PHLDB3: variants seen among roughly 807,000 people sequenced by gnomAD.
PHLDB3 encodes pleckstrin homology like domain family B member 3.
PHLDB3 carries 86 observed loss-of-function variants against 85.7 expected under a neutral mutation model. The ratio of observed to expected loss-of-function variants is 1.00; its 90% CI spans 0.84 to 1.20. The LOEUF is 1.20. Ranked by LOEUF, PHLDB3 falls within the 50% of genes most tolerant of loss-of-function variation. PHLDB3 has a pLI of 0.00. For missense variants in PHLDB3, 995 were observed against 873.0 expected, an observed-to-expected ratio of 1.14 and a Z score of -1.76; for synonymous variants, 376 against 349.8, an observed-to-expected ratio of 1.07 and a Z score of -0.83.
At chr19:43,485,370 C>T (rs1971131189) in intron 13 of PHLDB3, among the ~76,000 whole-genome samples, 1 of 151,696 alleles carries the variant, frequency 6.6e-6, no homozygotes. Context: ...CGCCACCATG[C>T]CCGGCTAATT....
Position 43,502,214 on chromosome 19 carries a change from G to A in PHLDB3, c.283C>T (p.Arg95Ter). 1 of 1,565,646 alleles carries A rather than the reference G, an allele frequency of 6.4e-7. No homozygotes were observed. The highest frequency in any genetic ancestry group is 8.6e-7 in the Non-Finnish European group (1 of 1,156,102). ...CCTTGCAGGCGCCGCGCCGCCCCTC[G>A]CACCCCTTCCCGCGAAGAGGTGGAT... ...PASTSSREGV[R>*]GAARRLQGQQ... Residue 95 changes from arginine (R) to a stop codon, truncating the protein, a stop_gained, in exon 3 of 16, where the codon CGA (arginine) becomes TGA (stop). Transcript: ENST00000292140. LOFTEE classifies it high-confidence loss of function.
intron 13 of PHLDB3, among the ~76,000 whole-genome samples, chr19:43,481,017 T>C (rs190325495): frequency 1.8e-4 from 28 of 152,304 alleles, no homozygotes; most frequent in African/African-American, 6.3e-4. Flanking sequence ...GATTTCTTCA[T>C]GCAAGCAGAT....
At chr19:43,492,239 C>T (rs1971336948) in intron 9 of PHLDB3, among the ~76,000 whole-genome samples, 2 of 151,588 alleles carry the variant, frequency 1.3e-5, no homozygotes, top group Non-Finnish European at 2.9e-5. Flanking sequence ...GTGTGAGCCA[C>T]CGCGCCCAGC....
chr19:43,497,376 G>A (rs1423711291), intron 5 of PHLDB3, 97 bp from the exon 6 acceptor site: 1 of 1,048,658 alleles, frequency 9.5e-7, no homozygotes, highest in Non-Finnish European at 1.3e-6. Flanking sequence ...GGAAGAAGGT[G>A]ACTGAGGACT....
chr19:43,495,730 C>T, intron 6 of PHLDB3, 110 bp from the exon 7 acceptor site: 1 of 1,432,666 alleles, frequency 7.0e-7, no homozygotes, highest in Non-Finnish European at 9.2e-7. Context: ...TCCCAGAGAC[C>T]ATGGGATCGG....
chr19:43,502,755 C>T (rs754784448), intron 2 of PHLDB3, among the ~76,000 whole-genome samples: 5 of 151,976 alleles, frequency 3.3e-5, no homozygotes, highest in African/African-American at 1.2e-4. Flanking sequence ...CGCGCCCGGC[C>T]TCAGACCCCT....
chr19:43,492,335 C>T (rs1255187424), intron 9 of PHLDB3, among the ~76,000 whole-genome samples: 2 of 152,118 alleles, frequency 1.3e-5, no homozygotes, highest in Non-Finnish European at 2.9e-5. Context: ...GATCCACCCA[C>T]CTCGGCCTCT....
intron 9 of PHLDB3, among the ~76,000 whole-genome samples, chr19:43,491,507 ATTTTTT>A: frequency 6.8e-6 from 1 of 147,286 alleles, no homozygotes; most frequent in East Asian, 2.0e-4. Context: ...AAATAACAAG[ATTTTTT>A]TTTTTTAAGA....
intron 15 of PHLDB3, among the ~76,000 whole-genome samples, chr19:43,476,584 G>T (rs543942202): frequency 6.6e-6 from 1 of 152,018 alleles, no homozygotes; most frequent in Admixed American, 6.5e-5. Flanking sequence ...GATTGCTTGA[G>T]CCCGAGAGAT....
At chr19:43,477,051 C>G (rs12975499) in intron 15 of PHLDB3, among the ~76,000 whole-genome samples, 3 of 152,126 alleles carry the variant, frequency 2.0e-5, no homozygotes, top group Non-Finnish European at 2.9e-5. Context: ...GCAGTCCTCC[C>G]ATCTTGGTCT....
At position 43,495,263 on chromosome 19, in the gene PHLDB3, A is replaced by G. The variant is rs1202600654; in HGVS notation, c.1028T>C (p.Leu343Pro). Residue 343 changes from leucine (L) to proline (P), a missense_variant, in exon 8 of 16, where the codon CTC becomes CCC. Coordinates refer to ENST00000292140, the MANE Select transcript of PHLDB3 (RefSeq NM_198850.4). Reference protein sequence around the residue: ...GGDFSEPNPALTKLLFTQKTD... With the variant: ...GGDFSEPNPAPTKLLFTQKTD... ...CATACAAAATCCCCATACCTTAGTGAGGGCCGGGTTGGGCTCAGAGAAGTC... is the reference window on the plus strand; with the variant it reads ...CATACAAAATCCCCATACCTTAGTGGGGGCCGGGTTGGGCTCAGAGAAGTC... The G allele has an allele frequency of 6.2e-7, 1 of 1,613,628 alleles. No individual in the cohort carries two copies. The highest frequency in any genetic ancestry group is 8.5e-7 in the Non-Finnish European group (1 of 1,179,744).
chr19:43,487,162 T>G (rs760339170), intron 9 of PHLDB3, 39 bp from the exon 10 acceptor site: 2 of 1,528,458 alleles, frequency 1.3e-6, no homozygotes, highest in African/African-American at 2.8e-5. Flanking sequence ...GGAAAAAGGC[T>G]TGATCTCCAA....
At chr19:43,497,700 A>C in intron 5 of PHLDB3, 48 bp downstream of exon 5, 9 of 1,536,824 alleles carry the variant, frequency 5.9e-6, no homozygotes, top group Non-Finnish European at 7.9e-6. Context: ...CAACGAGGCG[A>C]GACTCTGTCT....
At chr19:43,504,215 G>C in intron 1 of PHLDB3, 83 bp from the exon 2 acceptor site, 1 of 1,258,992 alleles carries the variant, frequency 7.9e-7, no homozygotes, top group Non-Finnish European at 1.1e-6. Flanking sequence ...GGGGCGCGGA[G>C]ACCCCCCCCC....
At position 43,497,808 on chromosome 19, in the gene PHLDB3, C is replaced by G. The variant is rs1255513810; in HGVS notation, c.603G>C (p.Gln201His). The change falls in exon 5 of 16, where the codon CAG becomes CAC. Residue 201 changes from glutamine (Q) to histidine (H), a missense_variant. Physicochemically the swap from Gln to His is conservative, Grantham distance 24. Transcript: ENST00000292140. ...EGLRQRLRKA[Q>H]GQLDSQPEDQ... ...CCTCTGGCTGTGAGTCGAGCTGTCCCTGGGCCTTGCGGAGTCTCTGGCGAA... is the reference window on the plus strand; with the variant it reads ...CCTCTGGCTGTGAGTCGAGCTGTCCGTGGGCCTTGCGGAGTCTCTGGCGAA... 1 of 1,561,652 alleles carries G rather than the reference C, an allele frequency of 6.4e-7. No individual in the cohort carries two copies.
rs753375435 is a variant in PHLDB3 at position 43,495,595 on chromosome 19, C to G, written c.851G>C (p.Arg284Pro). 3 of 1,609,962 alleles carry G rather than the reference C, an allele frequency of 1.9e-6. No homozygotes were observed. The highest frequency in any genetic ancestry group is 2.5e-6 in the Non-Finnish European group (3 of 1,178,346). ...HRRGALQHRI[R>P]VLEEQLKSLG... Reference sequence around the variant, plus strand: ...TGACTTGAGCTGCTCTTCCAGGACCCGGATCCGGTGCTGCAGAGCACCCCT... The same window carrying G: ...TGACTTGAGCTGCTCTTCCAGGACCGGGATCCGGTGCTGCAGAGCACCCCT... The change falls in exon 7 of 16, where the codon CGG becomes CCG. Residue 284 changes from arginine to proline, a missense_variant. By Grantham distance (103) the Arg-to-Pro change is moderately radical (BLOSUM62 -2). Coordinates refer to ENST00000292140, the MANE Select transcript of PHLDB3 (RefSeq NM_198850.4).
At chr19:43,495,183 G>A in intron 8 of PHLDB3, 73 bp downstream of exon 8, 1 of 1,307,374 alleles carries the variant, frequency 7.6e-7, no homozygotes, top group African/African-American at 1.6e-5. Context: ...CTGCGTCTGA[G>A]GGAGGAGGGG....
intron 4 of PHLDB3, among the ~76,000 whole-genome samples, chr19:43,498,155 T>C (rs1050787198): frequency 3.9e-5 from 6 of 152,012 alleles, no homozygotes; most frequent in Admixed American, 3.3e-4. Context: ...CTGGGCAACA[T>C]AGGGGGAGCC....
chr19:43,486,179 G>C, intron 13 of PHLDB3, 87 bp downstream of exon 13: 1 of 1,443,916 alleles, frequency 6.9e-7, no homozygotes, highest in Non-Finnish European at 9.1e-7. Flanking sequence ...TTGGAGGAGA[G>C]GAAAGGGTCA....
Sources: allele counts gnomAD v4.1 joint callset (sites outside exome capture counted in the v4.1 genomes callset), GRCh38; gene constraint gnomAD v4.1.1; transcripts MANE v1.5; gene names NCBI Gene and HGNC (gene_info 2026-07-23, HGNC 2026-07-21).